BNIP5: variants seen among roughly 807,000 people sequenced by gnomAD.
BNIP5 encodes BCL2 interacting protein 5.
BNIP5 carries 61 observed loss-of-function variants against 67.3 expected under a neutral mutation model. The observed-to-expected ratio is 0.91, with a 90% CI of 0.74 to 1.12. The LOEUF (loss-of-function observed/expected upper bound fraction) is 1.12, where lower values mean the gene tolerates loss of function less well. BNIP5 is among the 50% of genes most tolerant of loss of function. The pLI is 0.00. For synonymous variants in BNIP5, 317 were observed against 319.0 expected (o/e 0.99, Z 0.07); for missense variants, 826 against 816.3 (o/e 1.01, Z -0.14).
intron 6 of BNIP5, among the ~76,000 whole-genome samples, chr6:36,324,641 A>G (rs1422041001): frequency 3.2e-5 from 2 of 61,868 alleles, no homozygotes; most frequent in South Asian, 6.6e-4. Flanking sequence ...ATATATATAT[A>G]TATATATGTT....
chr6:36,330,567 C>T lies in BNIP5; in HGVS notation c.124G>A (p.Ala42Thr), dbSNP rs144386950. The T allele has an allele frequency of 2.5e-6, 4 of 1,613,518 alleles. No homozygotes were observed. The highest frequency in any genetic ancestry group is 1.6e-4 in the Middle Eastern group (1 of 6,084). Reference protein sequence around the residue: ...WDCHWLSLPTAPSRKALHWTT... With the variant: ...WDCHWLSLPTTPSRKALHWTT... ...CAGTGAAGCGCCTTCCTGGAGGGGG[C>T]AGTGGGCAGGGAGAGCCAATGGCAG... Residue 42 changes from alanine to threonine, a missense_variant, in exon 2 of 12, where the codon GCC becomes ACC. Ala to Thr is a moderately conservative substitution (Grantham distance 58). Transcript: ENST00000437635.
intron 6 of BNIP5, among the ~76,000 whole-genome samples, chr6:36,324,606 T>A (rs1443879552): frequency 4.0e-5 from 1 of 24,702 alleles, no homozygotes; most frequent in Non-Finnish European, 7.8e-5. Flanking sequence ...TATATATATA[T>A]ATATATATAT....
intron 1 of BNIP5, among the ~76,000 whole-genome samples, chr6:36,333,317 G>T (rs1468942061): frequency 6.6e-6 from 1 of 152,178 alleles, no homozygotes; most frequent in African/African-American, 2.4e-5. Context: ...AATTTAAAAG[G>T]ACTTATTTGT....
At chr6:36,327,988 A>G (rs1771802666) in intron 3 of BNIP5, among the ~76,000 whole-genome samples, 1 of 152,186 alleles carries the variant, frequency 6.6e-6, no homozygotes, top group Admixed American at 6.5e-5. Context: ...ATTCTTTGAC[A>G]TATGCATAGC....
In BNIP5 at chr6:36,319,366, T is replaced by TCC; in HGVS notation, c.1911_1912dup (p.Glu638GlyfsTer40). On this transcript the variant is annotated frameshift_variant, in exon 11 of 12. Coordinates refer to ENST00000437635, the MANE Select transcript of BNIP5 (RefSeq NM_001010903.5). LOFTEE classifies it high-confidence loss of function. The stretch of plus-strand genomic sequence containing the variant: ...CCCGCCCTCTCTCACCGGCTGGTCC[T>TCC]CCCTGTATGGGAACTGGGTGCAATT... The TCC allele has an allele frequency of 6.2e-7, 1 of 1,614,012 alleles. No homozygotes were observed. Among genetic ancestry groups the TCC allele is most frequent in the Non-Finnish European group, 8.5e-7 (1 of 1,179,988 alleles).
In BNIP5 at chr6:36,330,199, G is replaced by T; in HGVS notation, c.492C>A (p.His164Gln). ...PSRKKQGHKKHAAEVTKAAQD... is the reference protein window; with the variant it reads ...PSRKKQGHKKQAAEVTKAAQD... ...GAGCTGCCTTAGTCACCTCGGCCGC[G>T]TGTTTCTTGTGACCTTGCTTCTTGC... is the stretch of plus-strand genomic sequence containing the variant. The change falls in exon 2 of 12, where the codon CAC (histidine) becomes CAA (glutamine). Residue 164 changes from histidine to glutamine, a missense_variant. Coordinates refer to ENST00000437635, the MANE Select transcript of BNIP5 (RefSeq NM_001010903.5). 1 of 1,614,122 alleles carries T rather than the reference G, an allele frequency of 6.2e-7. No homozygotes were observed. The highest frequency in any genetic ancestry group is 1.1e-5 in the South Asian group (1 of 91,082).
At chr6:36,318,830 C>T (rs139592133) in intron 11 of BNIP5, among the ~76,000 whole-genome samples, 129 of 152,234 alleles carry the variant, frequency 8.5e-4, no homozygotes, top group East Asian at 4.6e-3. Context: ...GTGAAGGTGA[C>T]GGCAGGAGAG....
chr6:36,324,006 A>AC (rs1383426465), intron 7 of BNIP5, 123 bp downstream of exon 7: 1 of 775,006 alleles, frequency 1.3e-6, no homozygotes, highest in Non-Finnish European at 2.2e-6. Context: ...TCTCCAAAAA[A>AC]AAAAAAAAAG....
At chr6:36,320,119 G>A (rs781242730) in intron 10 of BNIP5, among the ~76,000 whole-genome samples, 1 of 152,158 alleles carries the variant, frequency 6.6e-6, no homozygotes, top group Non-Finnish European at 1.5e-5. Context: ...GATGTTAGAG[G>A]AATTTAATTC....
intron 1 of BNIP5, among the ~76,000 whole-genome samples, 177 bp from the exon 2 acceptor site, chr6:36,330,871 C>A (rs1771890786): frequency 6.6e-6 from 1 of 152,226 alleles, no homozygotes; most frequent in Non-Finnish European, 1.5e-5. Flanking sequence ...TCAAGCGATT[C>A]TCCTGCCTCA....
intron 8 of BNIP5, among the ~76,000 whole-genome samples, 178 bp downstream of exon 8, chr6:36,323,115 C>T (rs1450695532): frequency 1.3e-5 from 2 of 152,202 alleles, no homozygotes; most frequent in Non-Finnish European, 2.9e-5. Flanking sequence ...CACCTGGACC[C>T]TCACCTCTCC....
In BNIP5 at chr6:36,330,283, C is replaced by T; in HGVS notation, c.408G>A (p.Leu136=). 2 of 1,614,224 alleles carry T rather than the reference C, an allele frequency of 1.2e-6. No homozygotes were observed. The highest frequency in any genetic ancestry group is 1.7e-5 in the Admixed American group (1 of 60,028). ...TGAGGGCTGGCTCCCCTGCTGCTTC[C>T]AGGGGCTCCGGATGCTGGGAGATAC... ...KEGISQHPEP[L]EAAGEPALRK... The change falls in exon 2 of 12, where the codon CTG becomes CTA. Residue 136 remains leucine (L), a synonymous_variant. Coordinates refer to ENST00000437635, the MANE Select transcript of BNIP5 (RefSeq NM_001010903.5).
Position 36,322,455 on chromosome 6 carries a change from A to C in BNIP5, c.1472-13T>G. The C allele has an allele frequency of 6.2e-7, 1 of 1,610,976 alleles. No individual in the cohort carries two copies. The highest frequency in any genetic ancestry group is 1.1e-5 in the South Asian group (1 of 90,776). ...AGATCTTCTGGATCTAGGGCAAAAA[A>C]AGAGTTGTTGAGTGTTTTGCAGAGA... On this transcript the variant is annotated splice_polypyrimidine_tract_variant and intron_variant, in intron 8 of 11. Coordinates refer to ENST00000437635, the MANE Select transcript of BNIP5 (RefSeq NM_001010903.5).
rs1412415753 is a variant in BNIP5, at chr6:36,330,676, C to G, written c.15G>C (p.Arg5Ser). The change falls in exon 2 of 12, where the codon AGG becomes AGC. Residue 5 changes from arginine (R) to serine (S), a missense_variant. By Grantham distance (110) the Arg-to-Ser change is moderately radical (BLOSUM62 -1). Transcript: ENST00000437635. ...TCTCCGCCAGGGGCCTCCTTGGGCA[C>G]CTTGGATTCTCCATCGGGCTGCAAC... Reference protein sequence around the residue: MENPRCPRRPLAEKK... With the variant: MENPSCPRRPLAEKK... 6.3e-6 allele frequency: 10 copies of G among 1,576,468 alleles called. No homozygotes were observed. The highest frequency in any genetic ancestry group is 8.6e-6 in the Non-Finnish European group (10 of 1,168,318).
At chr6:36,330,795 G>A (rs1055172945) in intron 1 of BNIP5, 101 bp from the exon 2 acceptor site, 83 of 1,425,820 alleles carry the variant, frequency 5.8e-5, no homozygotes, top group South Asian at 4.4e-4. Context: ...ACGGAGCCTC[G>A]GTCTATTGCC....
intron 1 of BNIP5, 76 bp from the exon 2 acceptor site, chr6:36,330,770 T>C: frequency 1.3e-6 from 2 of 1,492,248 alleles, no homozygotes; most frequent in Admixed American, 2.4e-5. Flanking sequence ...GTTTTGTTTG[T>C]TTTTGTTTTT....
At chr6:36,324,260 C>G in intron 6 of BNIP5, 70 bp from the exon 7 acceptor site, 1 of 1,400,628 alleles carries the variant, frequency 7.1e-7, no homozygotes. Context: ...TCTTCATTTC[C>G]TAATGCCCCG....
intron 3 of BNIP5, among the ~76,000 whole-genome samples, chr6:36,328,194 G>A (rs1771806445): frequency 6.6e-6 from 1 of 152,182 alleles, no homozygotes; most frequent in African/African-American, 2.4e-5. Context: ...GCAACAAAAT[G>A]ATACCCACAC....
chr6:36,333,494 A>G (rs889654714), intron 1 of BNIP5, among the ~76,000 whole-genome samples: 1 of 152,244 alleles, frequency 6.6e-6, no homozygotes, highest in Non-Finnish European at 1.5e-5. Context: ...AGAAGAGATC[A>G]TAGAGGAAAA....
Sources: gnomAD v4.1 joint callset for allele counts (sites outside exome capture counted in the v4.1 genomes callset) on GRCh38, gnomAD v4.1.1 for gene constraint, MANE v1.5 for transcripts, NCBI Gene and HGNC (gene_info 2026-07-23, HGNC 2026-07-21) for gene names.